The following CR1 variants were observed in gnomAD, a reference collection of about 807,000 sequenced individuals.
CR1 encodes complement C3b/C4b receptor 1 (Knops blood group), also known as complement receptor type 1.
In CR1, 116 loss-of-function variants were observed where a neutral mutation model predicts 187.3. That is an observed-to-expected ratio of 0.62 (90% CI 0.53 to 0.72). The LOEUF is 0.72. Ranked by LOEUF, CR1 falls within the 30% of genes least tolerant of loss-of-function variation. CR1 has a pLI of 0.00. For missense variants in CR1, 1,731 were observed against 2,110.7 expected (o/e 0.82, Z 3.52); for synonymous variants, 576 against 747.1 (o/e 0.77, Z 3.73).
At chr1:207,583,748 A>G (rs151145056) in intron 32 of CR1, among the ~76,000 whole-genome samples, 14 of 152,336 alleles carry the variant, frequency 9.2e-5, no homozygotes, top group Non-Finnish European at 8.8e-5. Context: ...CTATTTGACA[A>G]TCTTAACTTC....
rs370858428 is a variant in CR1 at position 207,639,635 on chromosome 1, C to T, written c.*226C>T. 1.3e-4 allele frequency: 66 copies of T among 499,874 alleles called. No individual in the cohort carries two copies. The highest frequency in any genetic ancestry group is 8.6e-4 in the African/African-American group (45 of 52,344). 31.0% of individuals were successfully genotyped at this position (499,874 alleles called of 1,614,324 possible). A position where few individuals can be genotyped will look rare whatever the true frequency, so the allele number is the denominator to read the frequency against. On this transcript the variant is annotated 3_prime_UTR_variant, in exon 47 of 47. Transcript: ENST00000367049. ...CCCCACCCTTCTGCCTCGTGCTAAA[C>T]GCACACAGTATCTAGTCAGGGGAAA...
chr1:207,566,969 C>T (rs201125141), intron 24 of CR1, among the ~76,000 whole-genome samples: 1 of 150,282 alleles, frequency 6.7e-6, no homozygotes, highest in African/African-American at 2.5e-5. Context: ...AAATCCAGTG[C>T]TCCTTGAAGC....
intron 45 of CR1, among the ~76,000 whole-genome samples, chr1:207,628,546 T>TG (rs1662551637): frequency 6.6e-6 from 1 of 152,174 alleles, no homozygotes; most frequent in Non-Finnish European, 1.5e-5. Context: ...ACACTCTAGG[T>TG]TCAAAGAAAT....
At chr1:207,579,896 T>C (rs1468272952) in intron 29 of CR1, among the ~76,000 whole-genome samples, 1 of 152,226 alleles carries the variant, frequency 6.6e-6, no homozygotes, top group Non-Finnish European at 1.5e-5. Context: ...ACAGTATGAC[T>C]GTACTTTAGT....
intron 45 of CR1, among the ~76,000 whole-genome samples, chr1:207,624,433 T>A (rs1662419471): frequency 6.6e-6 from 1 of 152,174 alleles, no homozygotes; most frequent in African/African-American, 2.4e-5. Flanking sequence ...AATTTGTAAC[T>A]TTTAAGTGAA....
At chr1:207,509,599 T>C (rs1332896604) in intron 3 of CR1, among the ~76,000 whole-genome samples, 1 of 152,218 alleles carries the variant, frequency 6.6e-6, no homozygotes, top group Admixed American at 6.5e-5. Flanking sequence ...ATATTTAAAA[T>C]GTTCAGTATT....
rs1373648733 is a variant in CR1, at chr1:207,577,813, T to C, written c.4546T>C (p.Cys1516Arg). ...TKPPICQRIP[C>R]GLPPTIANGD... is the part of the protein sequence containing the mutation. ...TGCTGTCTCTTTTCCAGGAATTCCT[T>C]GTGGGCTACCCCCAACCATCGCCAA... The change falls in exon 29 of 47, where the codon TGT becomes CGT. Residue 1516 changes from cysteine (C) to arginine (R), a missense_variant. Physicochemically the swap from Cys to Arg is radical, Grantham distance 180. Coordinates refer to ENST00000367049, the MANE Select transcript of CR1 (RefSeq NM_000651.6). 1.2e-6 allele frequency: 2 copies of C among 1,613,856 alleles called. No individual in the cohort carries two copies. Among genetic ancestry groups the C allele is most frequent in the Non-Finnish European group, 1.7e-6 (2 of 1,179,844 alleles).
rs12090514 is a variant in CR1 at position 207,522,576 on chromosome 1, T to A, written c.488-1035T>A. ...CCCAGCTCTCAACTGGATTCTCATC[T>A]TCTCCTAGATCATGGCCCAGGAATG... On this transcript the variant is annotated intron_variant, in intron 4 of 46. Transcript: ENST00000367049. Among the ~76,000 whole-genome samples, 362 of 152,350 alleles carry A rather than the reference T, an allele frequency of 2.4e-3. 2 individuals carry two copies. The highest frequency in any genetic ancestry group is 7.9e-3 in the African/African-American group (329 of 41,590).
At chr1:207,610,316 G>A (rs912463715) in intron 37 of CR1, among the ~76,000 whole-genome samples, 4 of 152,042 alleles carry the variant, frequency 2.6e-5, no homozygotes, top group Admixed American at 2.0e-4. Context: ...ATTCTTTGAG[G>A]TTTTTTGATT....
chr1:207,512,408 G>C (rs1372454527), intron 4 of CR1, among the ~76,000 whole-genome samples: 1 of 152,172 alleles, frequency 6.6e-6, no homozygotes, highest in African/African-American at 2.4e-5. Context: ...ACTAGAAAGA[G>C]ATGTATTTTA....
Position 207,609,354 on chromosome 1 carries a change from T to C in CR1, c.5961T>C (p.Ser1987=). The part of the protein sequence containing the change: ...NGDFYSNNRT[S]FHNGTVVTYQ... ...ACTTCTACAGCAACAATAGAACATC[T>C]TTTCACAATGGAACGGTGGTAACTT... is the stretch of plus-strand genomic sequence containing the variant. Residue 1987 remains serine (S), a synonymous_variant, in exon 37 of 47, where the codon TCT becomes TCC. Coordinates refer to ENST00000367049, the MANE Select transcript of CR1 (RefSeq NM_000651.6). The C allele has an allele frequency of 1.2e-6, 2 of 1,613,994 alleles. No homozygotes were observed. The highest frequency in any genetic ancestry group is 1.7e-6 in the Non-Finnish European group (2 of 1,179,880).
rs185170825 is a variant in CR1, at chr1:207,496,524, G to T, written c.121+136G>T. The T allele has an allele frequency of 3.3e-4, 281 of 855,748 alleles. 5 individuals carry two copies. In the East Asian group the frequency reaches 6.4e-3, roughly 20 times the overall value. The allele number at this position is 855,748 out of a possible 1,614,324, so 53.0% of individuals were successfully genotyped here. ...AGGCAGCGCGATGGGTGGGCTGAGC[G>T]CGCGACCCGGCAGGGCGGCGGGTGT... On this transcript the variant is annotated intron_variant, in intron 1 of 46. Coordinates refer to ENST00000367049, the MANE Select transcript of CR1 (RefSeq NM_000651.6).
intron 3 of CR1, among the ~76,000 whole-genome samples, chr1:207,508,565 C>T (rs760562523): frequency 6.6e-6 from 1 of 152,114 alleles, no homozygotes; most frequent in African/African-American, 2.4e-5. Flanking sequence ...GAAATTTGAA[C>T]AAAATCTGTG....
Position 207,641,098 on chromosome 1 carries a change from G to A in CR1, c.*1689G>A, listed in dbSNP as rs1045359391. ...CACCAAGAAAGAAGGGCAAATAGGT[G>A]GTGAGTATATGTAAAGATACTTGAT... On this transcript the variant is annotated 3_prime_UTR_variant, in exon 47 of 47. Coordinates refer to ENST00000367049, the MANE Select transcript of CR1 (RefSeq NM_000651.6). 1.3e-5 allele frequency: 2 copies of A among 152,160 alleles called. No homozygotes were observed. Among genetic ancestry groups the A allele is most frequent in the Admixed American group, 6.5e-5 (1 of 15,278 alleles). The allele number at this position is 152,160 out of a possible 1,614,324, so 9.4% of individuals were successfully genotyped here.
intron 35 of CR1, among the ~76,000 whole-genome samples, chr1:207,595,250 A>G (rs12084615): frequency 1.6e-3 from 240 of 152,186 alleles, no homozygotes; most frequent in African/African-American, 5.1e-3. Flanking sequence ...AACACACTAC[A>G]CACAAACACA....
intron 31 of CR1, among the ~76,000 whole-genome samples, chr1:207,581,213 CA>C (rs1660931694): frequency 7.2e-6 from 1 of 139,816 alleles, no homozygotes; most frequent in Admixed American, 7.2e-5. Flanking sequence ...TAGACGTATA[CA>C]TATGGACACG....
In CR1 at chr1:207,565,792, C is replaced by T. The variant is rs769896834; in HGVS notation, c.3867-46C>T. Reference sequence around the variant, plus strand: ...GGCCTTAGATTGTGAACTAAGTGTCCTCTTGGCTGAAACAGCTCACTATTC... The same window carrying T: ...GGCCTTAGATTGTGAACTAAGTGTCTTCTTGGCTGAAACAGCTCACTATTC... On this transcript the variant is annotated intron_variant, in intron 23 of 46. Transcript: ENST00000367049. The T allele has an allele frequency of 6.8e-6, 11 of 1,608,400 alleles. No homozygotes were observed. The African/African-American group carries it at 1.4e-4, about 20-fold the overall frequency.
rs200076672 is a variant in CR1, at chr1:207,588,750, C to T, written c.5786C>T (p.Thr1929Ile). 1.5e-4 allele frequency: 249 copies of T among 1,610,720 alleles called. 1 individual carries two copies. The highest frequency in any genetic ancestry group is 1.7e-4 in the Middle Eastern group (1 of 6,056). Reference sequence around the variant, plus strand: ...AACACAGATACACAGTTTGGATCAACAGTTAATTATTCTTGTAATGAAGGG... The same window carrying T: ...AACACAGATACACAGTTTGGATCAATAGTTAATTATTCTTGTAATGAAGGG... ...HINTDTQFGS[T>I]VNYSCNEGFR... The change falls in exon 35 of 47, where the codon ACA (threonine) becomes ATA (isoleucine). Residue 1929 changes from threonine to isoleucine, a missense_variant. This residue lies in a region of CR1 where 1,312 missense variants were observed against 1,379.6 expected (regional missense o/e 0.95). Coordinates refer to ENST00000367049, the MANE Select transcript of CR1 (RefSeq NM_000651.6).
chr1:207,589,563 G>A (rs1454170711), intron 35 of CR1, among the ~76,000 whole-genome samples: 2 of 152,150 alleles, frequency 1.3e-5, no homozygotes, highest in Non-Finnish European at 2.9e-5. Context: ...TCCTCCAAAG[G>A]ATCACAACTC....
Sources: gnomAD v4.1 joint callset for allele counts (sites outside exome capture counted in the v4.1 genomes callset) on GRCh38, gnomAD v4.1.1 for gene constraint, gnomAD v4.1.1 regional missense constraint, MANE v1.5 for transcripts, NCBI Gene and HGNC (gene_info 2026-07-23, HGNC 2026-07-21) for gene names.